Variants in FAM222B observed in about 807,000 individuals in gnomAD.
FAM222B encodes the protein protein FAM222B.
FAM222B carries 12 observed loss-of-function variants against 38.0 expected under a neutral mutation model. That is an observed-to-expected ratio of 0.32 (90% CI 0.20 to 0.51). The LOEUF is 0.51. Among genes scored for constraint, FAM222B ranks in the 20% least tolerant of loss-of-function variants. The pLI is 0.97. For synonymous variants in FAM222B, 329 were observed against 317.2 expected, an observed-to-expected ratio of 1.04 and a Z score of -0.40; for missense variants, 716 against 754.2, an observed-to-expected ratio of 0.95 and a Z score of 0.59.
At chr17:28,808,325 T>G (rs1482748279) in intron 1 of FAM222B, among the ~76,000 whole-genome samples, 1 of 152,242 alleles carries the variant, frequency 6.6e-6, no homozygotes, top group Non-Finnish European at 1.5e-5. Flanking sequence ...TAAATTGTCC[T>G]GGATGAAGAG....
At position 28,776,452 on chromosome 17, in the gene FAM222B, CTT is replaced by C. The variant is rs397857136; in HGVS notation, c.-40-9747_-40-9746del. Among the ~76,000 whole-genome samples, 358 of 90,958 alleles carry C rather than the reference CTT, an allele frequency of 3.9e-3. 1 individual carries two copies. Among genetic ancestry groups the C allele is most frequent in the African/African-American group, 0.014 (294 of 21,384 alleles). 59.7% of individuals were successfully genotyped at this position (90,958 alleles called of 152,430 possible). A position where few individuals can be genotyped will look rare whatever the true frequency, so the allele number is the denominator to read the frequency against. ...TGAGCCAAAGGCTTACCTAAAAAGA[CTT>C]TTTTTTTTTTTTTTTTTTTTGAGAC... is the stretch of plus-strand genomic sequence containing the variant. On this transcript the variant is annotated intron_variant, in intron 1 of 2. Transcript: ENST00000581407.
chr17:28,771,818 GC>G (rs34381610), intron 1 of FAM222B, among the ~76,000 whole-genome samples: 1 of 152,150 alleles, frequency 6.6e-6, no homozygotes, highest in South Asian at 2.1e-4. Context: ...ACTTTGGGAG[GC>G]CGAGGTGGGC....
chr17:28,806,569 A>G (rs907736081), intron 1 of FAM222B, among the ~76,000 whole-genome samples: 2 of 152,214 alleles, frequency 1.3e-5, no homozygotes, highest in Non-Finnish European at 2.9e-5. Flanking sequence ...CAGCCTGGGC[A>G]ATATAATTGG....
intron 1 of FAM222B, among the ~76,000 whole-genome samples, chr17:28,787,826 C>CATTTT (rs1233622162): frequency 7.7e-6 from 1 of 130,190 alleles, no homozygotes; most frequent in African/African-American, 3.0e-5. Flanking sequence ...ATAAAGTAGT[C>CATTTT]TTTTTTTTTT....
chr17:28,786,056 T>C (rs1419208828), intron 1 of FAM222B, among the ~76,000 whole-genome samples: 1 of 151,986 alleles, frequency 6.6e-6, no homozygotes, highest in Non-Finnish European at 1.5e-5. Flanking sequence ...ATGGTCTCGA[T>C]CTCCTCACCT....
intron 1 of FAM222B, among the ~76,000 whole-genome samples, chr17:28,797,873 C>A (rs953103788): frequency 1.3e-5 from 2 of 150,798 alleles, no homozygotes; most frequent in East Asian, 2.0e-4. Context: ...CCAGTCTGGA[C>A]AACATAGGGA....
chr17:28,776,232 C>G (rs1233900168), intron 1 of FAM222B, among the ~76,000 whole-genome samples: 1 of 151,414 alleles, frequency 6.6e-6, no homozygotes, highest in Non-Finnish European at 1.5e-5. Context: ...CAAAAATTAG[C>G]TGGGCATGGT....
chr17:28,784,530 A>AAAAAAAAAAG (rs2036310534), intron 1 of FAM222B, among the ~76,000 whole-genome samples: 2 of 139,414 alleles, frequency 1.4e-5, no homozygotes, highest in Non-Finnish European at 3.1e-5. Flanking sequence ...AAAAAAAAAA[A>AAAAAAAAAAG]AGGCAATAAT....
intron 1 of FAM222B, among the ~76,000 whole-genome samples, chr17:28,791,253 G>C (rs1242051815): frequency 6.6e-6 from 1 of 151,814 alleles, no homozygotes; most frequent in African/African-American, 2.4e-5. Context: ...GTCTAGAAAG[G>C]GTGGGGTTGG....
intron 1 of FAM222B, among the ~76,000 whole-genome samples, chr17:28,778,693 G>A (rs1304142742): frequency 4.0e-5 from 3 of 75,090 alleles, no homozygotes; most frequent in South Asian, 1.3e-3. Context: ...GTGTGTGTGT[G>A]TGTGTATATA....
chr17:28,812,458 C>T (rs1187638017), intron 1 of FAM222B: 2 of 152,452 alleles, frequency 1.3e-5, no homozygotes, highest in African/African-American at 4.8e-5. Flanking sequence ...CAGCCGCCGC[C>T]GGAAGCCAGC....
chr17:28,770,276 G>A (rs183429788), intron 1 of FAM222B, among the ~76,000 whole-genome samples: 1 of 152,260 alleles, frequency 6.6e-6, no homozygotes, highest in African/African-American at 2.4e-5. Flanking sequence ...CATATAAAAG[G>A]CAGATTGTTA....
chr17:28,817,352 G>A (rs1219186962), intron 1 of FAM222B, among the ~76,000 whole-genome samples: 2 of 151,854 alleles, frequency 1.3e-5, no homozygotes, highest in African/African-American at 2.4e-5. Flanking sequence ...GACAGAGATT[G>A]CAGTGAGCCG....
At chr17:28,781,273 G>C (rs2036156688) in intron 1 of FAM222B, among the ~76,000 whole-genome samples, 1 of 152,026 alleles carries the variant, frequency 6.6e-6, no homozygotes, top group African/African-American at 2.4e-5. Flanking sequence ...ACTCCAGCCT[G>C]GGTGATGGAA....
At chr17:28,815,273 G>T (rs911150695) in intron 1 of FAM222B, among the ~76,000 whole-genome samples, 1 of 151,364 alleles carries the variant, frequency 6.6e-6, no homozygotes, top group Non-Finnish European at 1.5e-5. Context: ...GAGTGCAGTG[G>T]CGCGATCTCG....
intron 1 of FAM222B, among the ~76,000 whole-genome samples, chr17:28,788,677 C>G (rs532406184): frequency 1.3e-5 from 2 of 152,202 alleles, no homozygotes; most frequent in South Asian, 4.1e-4. Flanking sequence ...AGGAAAAATC[C>G]AATAAATATA....
chr17:28,772,039 A>ATT (rs2035658751), intron 1 of FAM222B, among the ~76,000 whole-genome samples: 1 of 152,334 alleles, frequency 6.6e-6, no homozygotes, highest in African/African-American at 2.4e-5. Flanking sequence ...CCTGGGCAAC[A>ATT]GAGCGAGACT....
rs534645294 is a variant in FAM222B, at chr17:28,849,076, A to G, written c.-41+5874T>C. On this transcript the variant is annotated intron_variant, in intron 1 of 2. Coordinates refer to the FAM222B transcript ENST00000577513. ...GGAGATCGAGACCATCCTGGCTAAC[A>G]TGGTGAAATCTCGTCTCCACTAAAA... 4 of 152,172 alleles carry G rather than the reference A, an allele frequency of 2.6e-5. No homozygotes were observed. In the South Asian group the frequency reaches 8.3e-4, roughly 31 times the overall value. The allele number at this position is 152,172 out of a possible 1,614,324, so 9.4% of individuals were successfully genotyped here. A position where few individuals can be genotyped will look rare whatever the true frequency, so the allele number is the denominator to read the frequency against.
intron 1 of FAM222B, among the ~76,000 whole-genome samples, chr17:28,812,693 G>A (rs2037841941): frequency 6.6e-6 from 1 of 151,988 alleles, no homozygotes; most frequent in South Asian, 2.1e-4. Context: ...AAAGCCAGGA[G>A]CCAAGCATCC....
Sources: gnomAD v4.1 joint callset for allele counts (sites outside exome capture counted in the v4.1 genomes callset) on GRCh38, gnomAD v4.1.1 for gene constraint, MANE v1.5 for transcripts, NCBI Gene and HGNC (gene_info 2026-07-23, HGNC 2026-07-21) for gene names.